MAN2A1: variants seen among roughly 807,000 people sequenced by gnomAD.
MAN2A1 encodes the protein mannosidase alpha class 2A member 1.
A neutral mutation model predicts 142.6 loss-of-function variants in MAN2A1; 76 were observed. The ratio of observed to expected loss-of-function variants is 0.53; its 90% confidence interval spans 0.44 to 0.65. The LOEUF is 0.65. Ranked by LOEUF, MAN2A1 falls within the 30% of genes least tolerant of loss-of-function variation. The pLI is 0.00. For missense variants in MAN2A1, 1,311 were observed against 1,365.1 expected, an observed-to-expected ratio of 0.96 and a Z score of 0.62; for synonymous variants, 559 against 473.2, an observed-to-expected ratio of 1.18 and a Z score of -2.35.
At chr5:109,690,687 C>T in intron 1 of MAN2A1, 135 bp downstream of exon 1, 1 of 1,002,618 alleles carries the variant, frequency 1.0e-6, no homozygotes, top group South Asian at 1.5e-5. Flanking sequence ...CTCTGTAGCT[C>T]TCGGACGGCA....
At chr5:109,817,759 G>T (rs983073731) in intron 13 of MAN2A1, among the ~76,000 whole-genome samples, 12 of 152,070 alleles carry the variant, frequency 7.9e-5, no homozygotes, top group African/African-American at 2.9e-4. Flanking sequence ...ATAAAATTTT[G>T]AATGTTTTGC....
At chr5:109,785,765 C>T (rs951693513) in intron 10 of MAN2A1, among the ~76,000 whole-genome samples, 5 of 151,934 alleles carry the variant, frequency 3.3e-5, no homozygotes, top group Admixed American at 6.6e-5. Flanking sequence ...ATTTTATTTA[C>T]TGTAGTTTAG....
intron 1 of MAN2A1, among the ~76,000 whole-genome samples, chr5:109,692,876 A>T (rs536869533): frequency 3.3e-5 from 5 of 152,260 alleles, no homozygotes; most frequent in Admixed American, 2.0e-4. Context: ...TTAGATTCTC[A>T]TAAGGACCAT....
intron 20 of MAN2A1, among the ~76,000 whole-genome samples, chr5:109,857,582 C>G (rs1561545678): frequency 6.6e-6 from 1 of 152,192 alleles, no homozygotes; most frequent in Non-Finnish European, 1.5e-5. Context: ...CTGGAAGCAG[C>G]TGGAGCTGAC....
intron 8 of MAN2A1, among the ~76,000 whole-genome samples, chr5:109,779,717 A>G (rs1254960265): frequency 6.6e-6 from 1 of 152,090 alleles, no homozygotes; most frequent in Non-Finnish European, 1.5e-5. Flanking sequence ...TTATCTGAAC[A>G]TTTTCTGGTA....
At chr5:109,858,983 T>C (rs1392312561) in intron 20 of MAN2A1, among the ~76,000 whole-genome samples, 1 of 152,226 alleles carries the variant, frequency 6.6e-6, no homozygotes. Flanking sequence ...GGGGAGATTT[T>C]AAACATAGAG....
intron 4 of MAN2A1, among the ~76,000 whole-genome samples, chr5:109,732,577 T>A (rs141459535): frequency 0.43 from 65,091 of 150,270 alleles, 15,133 homozygotes; most frequent in African/African-American, 0.61. Flanking sequence ...AGCTTTCTGC[T>A]TATGGCTAGC....
chr5:109,726,767 T>G (rs979679601), intron 3 of MAN2A1, among the ~76,000 whole-genome samples: 3 of 152,194 alleles, frequency 2.0e-5, no homozygotes, highest in Non-Finnish European at 4.4e-5. Context: ...AGACTAACCC[T>G]TAAAAATTTG....
intron 16 of MAN2A1, among the ~76,000 whole-genome samples, chr5:109,827,982 G>A (rs1754799995): frequency 6.6e-6 from 1 of 152,132 alleles, no homozygotes; most frequent in Admixed American, 6.5e-5. Flanking sequence ...GCACGTGCCT[G>A]TAATCCCAGC....
intron 9 of MAN2A1, among the ~76,000 whole-genome samples, chr5:109,784,361 T>A (rs554436004): frequency 1.3e-5 from 2 of 152,326 alleles, no homozygotes; most frequent in South Asian, 4.1e-4. Flanking sequence ...ATTCTGGTGA[T>A]GTTCATGGTC....
intron 1 of MAN2A1, chr5:109,699,759 A>G (rs1362036229): frequency 6.2e-6 from 1 of 160,246 alleles, no homozygotes; most frequent in Admixed American, 6.5e-5. Context: ...ACACCCGCCT[A>G]GCCAGCCAGA....
chr5:109,807,432 AG>A (rs1754195673), intron 12 of MAN2A1, among the ~76,000 whole-genome samples: 2 of 152,206 alleles, frequency 1.3e-5, no homozygotes, highest in Admixed American at 1.3e-4. Flanking sequence ...GGGGGTCAGA[AG>A]TTCAAGACCA....
chr5:109,761,614 A>C (rs1752845757), intron 5 of MAN2A1, among the ~76,000 whole-genome samples: 1 of 151,988 alleles, frequency 6.6e-6, no homozygotes, highest in Admixed American at 6.6e-5. Flanking sequence ...ATCCATTTTC[A>C]TGAGTAAGAT....
chr5:109,849,105 C>T (rs1391324991), intron 19 of MAN2A1, among the ~76,000 whole-genome samples: 3 of 152,196 alleles, frequency 2.0e-5, no homozygotes, highest in African/African-American at 7.2e-5. Flanking sequence ...GGTTTTCCTC[C>T]TACCTGTCTG....
intron 16 of MAN2A1, among the ~76,000 whole-genome samples, chr5:109,824,816 T>G (rs1011800031): frequency 2.0e-5 from 3 of 152,182 alleles, no homozygotes; most frequent in African/African-American, 7.2e-5. Flanking sequence ...GATTTCATAG[T>G]TAAATTTAAT....
chr5:109,845,741 C>A (rs1406128163), intron 17 of MAN2A1, 124 bp from the exon 18 acceptor site: 3 of 614,586 alleles, frequency 4.9e-6, no homozygotes, highest in Non-Finnish European at 7.9e-6. Context: ...TAAATTATTT[C>A]TTCCACTGAA....
chr5:109,747,032 A>G (rs78563277), intron 4 of MAN2A1, among the ~76,000 whole-genome samples: 8,248 of 152,256 alleles, frequency 0.054, 227 homozygotes, highest in Non-Finnish European at 0.064. Flanking sequence ...AACCTAATAC[A>G]TACCACAGCT....
chr5:109,725,011 C>T (rs1005152253), intron 3 of MAN2A1, among the ~76,000 whole-genome samples: 5 of 151,976 alleles, frequency 3.3e-5, no homozygotes, highest in South Asian at 2.1e-4. Flanking sequence ...TTATTAAGTA[C>T]TTATTGAACT....
chr5:109,842,806 G>GTTTTTTTTTTTTTTTT (rs768238978), intron 17 of MAN2A1, among the ~76,000 whole-genome samples: 3,529 of 115,748 alleles, frequency 0.03, 330 homozygotes, highest in Non-Finnish European at 0.038. Context: ...TACTTATTGG[G>GTTTTTTTTTTTTTTTT]TTTTTTTTTT....
Sources: allele counts gnomAD v4.1 joint callset (sites outside exome capture counted in the v4.1 genomes callset), GRCh38; gene constraint gnomAD v4.1.1; transcripts MANE v1.5; gene names NCBI Gene and HGNC (gene_info 2026-07-23, HGNC 2026-07-21).